SPATS2: variants seen among roughly 807,000 people sequenced by gnomAD.
The protein encoded by SPATS2 is spermatogenesis-associated serine-rich protein 2.
SPATS2 carries 38 observed loss-of-function variants against 63.7 expected under a neutral mutation model. The ratio of observed to expected loss-of-function variants is 0.60; its 90% CI spans 0.46 to 0.78. The LOEUF (loss-of-function observed/expected upper bound fraction) is 0.78. SPATS2 is among the 30% of genes least tolerant of loss of function. The pLI is 0.00. For missense variants in SPATS2, 588 were observed against 666.2 expected (o/e 0.88, Z 1.29); for synonymous variants, 207 against 232.9 (o/e 0.89, Z 1.01).
At chr12:49,466,071 C>G (rs1945909603) in intron 3 of SPATS2, among the ~76,000 whole-genome samples, 2 of 151,074 alleles carry the variant, frequency 1.3e-5, no homozygotes, top group South Asian at 4.2e-4. Flanking sequence ...AATTCTCTGC[C>G]TAACTCAAAG....
intron 2 of SPATS2, among the ~76,000 whole-genome samples, chr12:49,449,364 T>C (rs1056789414): frequency 6.6e-6 from 1 of 152,102 alleles, no homozygotes; most frequent in African/African-American, 2.4e-5. Flanking sequence ...TACAGGCACG[T>C]GCCACCACAC....
At chr12:49,437,577 G>A (rs1411001974) in intron 2 of SPATS2, among the ~76,000 whole-genome samples, 1 of 152,166 alleles carries the variant, frequency 6.6e-6, no homozygotes, top group Non-Finnish European at 1.5e-5. Flanking sequence ...CTGCCATCCC[G>A]GCACCTCGGG....
intron 11 of SPATS2, among the ~76,000 whole-genome samples, chr12:49,521,377 A>G (rs568037736): frequency 2.0e-5 from 3 of 152,158 alleles, no homozygotes; most frequent in South Asian, 2.1e-4. Flanking sequence ...CTTTAATTCT[A>G]TTGGGGTGAA....
chr12:49,454,310 T>C (rs1188998232), intron 2 of SPATS2: 1 of 152,318 alleles, frequency 6.6e-6, no homozygotes, highest in African/African-American at 2.4e-5. Flanking sequence ...TCCGCTTCAG[T>C]TCATATGACC....
chr12:49,452,680 T>C (rs2137622095), intron 2 of SPATS2, among the ~76,000 whole-genome samples: 1 of 152,304 alleles, frequency 6.6e-6, no homozygotes, highest in South Asian at 2.1e-4. Flanking sequence ...AGTATTCATC[T>C]TCAGAATTTT....
chr12:49,488,126 C>G (rs1946325393), intron 4 of SPATS2, among the ~76,000 whole-genome samples: 1 of 151,796 alleles, frequency 6.6e-6, no homozygotes, highest in South Asian at 2.1e-4. Flanking sequence ...CTCACTGCAA[C>G]CTCCACCTCC....
chr12:49,521,697 T>A (rs1040578518), intron 11 of SPATS2, among the ~76,000 whole-genome samples: 2 of 152,212 alleles, frequency 1.3e-5, no homozygotes, highest in Non-Finnish European at 1.5e-5. Flanking sequence ...CAGATCATTT[T>A]ATTTCCGTCA....
chr12:49,427,434 A>T (rs2137456395), intron 2 of SPATS2, among the ~76,000 whole-genome samples: 1 of 152,274 alleles, frequency 6.6e-6, no homozygotes, highest in East Asian at 1.9e-4. Flanking sequence ...TCTCTTGTTA[A>T]TGGCATTTGG....
At chr12:49,393,083 C>G (rs533148437) in intron 2 of SPATS2, among the ~76,000 whole-genome samples, 1 of 152,234 alleles carries the variant, frequency 6.6e-6, no homozygotes, top group South Asian at 2.1e-4. Flanking sequence ...CATCTGTGTA[C>G]TCACCAGTGC....
At chr12:49,500,931 C>T (rs900831191) in intron 9 of SPATS2, among the ~76,000 whole-genome samples, 1 of 151,886 alleles carries the variant, frequency 6.6e-6, no homozygotes, top group East Asian at 1.9e-4. Context: ...AATAAAGTGC[C>T]CTTTTATTAA....
At chr12:49,474,195 A>G (rs1379078168) in intron 3 of SPATS2, among the ~76,000 whole-genome samples, 1 of 152,248 alleles carries the variant, frequency 6.6e-6, no homozygotes, top group Non-Finnish European at 1.5e-5. Context: ...TTACTTACAT[A>G]GAGTGTCTCT....
At chr12:49,509,327 C>G (rs2138008604) in intron 9 of SPATS2, among the ~76,000 whole-genome samples, 1 of 123,242 alleles carries the variant, frequency 8.1e-6, no homozygotes, top group South Asian at 2.8e-4. Context: ...GTCACCAAGG[C>G]TGGAGTGCAG....
At chr12:49,495,589 T>G (rs185917800) in intron 7 of SPATS2, among the ~76,000 whole-genome samples, 36 of 152,314 alleles carry the variant, frequency 2.4e-4, no homozygotes, top group African/African-American at 8.7e-4. Flanking sequence ...GTTCCATTAT[T>G]GGAACGCTGA....
intron 3 of SPATS2, among the ~76,000 whole-genome samples, chr12:49,474,898 C>T (rs1020156296): frequency 1.7e-4 from 26 of 152,264 alleles, no homozygotes; most frequent in Middle Eastern, 6.8e-3. Flanking sequence ...ACAATCTTGG[C>T]GGAAGGCAAG....
chr12:49,506,683 C>G (rs867605051), intron 9 of SPATS2, among the ~76,000 whole-genome samples: 2 of 152,108 alleles, frequency 1.3e-5, no homozygotes, highest in Middle Eastern at 6.8e-3. Context: ...CCCGTCTTTA[C>G]AGAAAGTAAC....
intron 10 of SPATS2, among the ~76,000 whole-genome samples, chr12:49,516,196 T>TAAAA (rs1447902917): frequency 1.5e-5 from 1 of 66,114 alleles, no homozygotes; most frequent in African/African-American, 6.3e-5. Context: ...TATATATATA[T>TAAAA]ATATATATAT....
intron 2 of SPATS2, among the ~76,000 whole-genome samples, chr12:49,440,492 A>G (rs1011131146): frequency 7.2e-6 from 1 of 139,494 alleles, no homozygotes; most frequent in Non-Finnish European, 1.5e-5. Flanking sequence ...TTTTTTTGAG[A>G]TGGAGCTCAC....
intron 2 of SPATS2, among the ~76,000 whole-genome samples, chr12:49,401,568 C>A (rs1356774798): frequency 6.6e-6 from 1 of 152,170 alleles, no homozygotes; most frequent in Non-Finnish European, 1.5e-5. Flanking sequence ...TTAAATATTT[C>A]ATGTTTCTCT....
chr12:49,508,985 A>C (rs2138005413), intron 9 of SPATS2, among the ~76,000 whole-genome samples: 1 of 151,854 alleles, frequency 6.6e-6, no homozygotes, highest in South Asian at 2.1e-4. Flanking sequence ...AATTGCTTGA[A>C]CCGGGGACGC....
Sources: allele counts gnomAD v4.1 joint callset (sites outside exome capture counted in the v4.1 genomes callset), GRCh38; gene constraint gnomAD v4.1.1; transcripts MANE v1.5; gene names NCBI Gene and HGNC (gene_info 2026-07-23, HGNC 2026-07-21).